Variants in PCDH9 observed in about 807,000 individuals in gnomAD.
PCDH9 encodes protocadherin-9.
PCDH9 carries 24 observed loss-of-function variants against 70.6 expected under a neutral mutation model. The observed-to-expected ratio is 0.34, with a 90% CI of 0.25 to 0.48. PCDH9 has a LOEUF of 0.48. Among genes scored for constraint, PCDH9 ranks in the 20% least tolerant of loss-of-function variants. The probability of loss-of-function intolerance (pLI) is 0.99; values close to 1 mark genes in which losing one functional copy is unlikely to be tolerated. For missense variants in PCDH9, 1,281 were observed against 1,503.6 expected (o/e 0.85, Z 2.45); for synonymous variants, 562 against 558.5 (o/e 1.01, Z -0.09).
chr13:66,470,709 A>C (rs1047151299), intron 4 of PCDH9, among the ~76,000 whole-genome samples: 3 of 150,514 alleles, frequency 2.0e-5, no homozygotes, highest in African/African-American at 7.3e-5. Context: ...CAGAACAGAC[A>C]TGAGCTCTGA....
chr13:67,056,140 T>C (rs909088055), intron 2 of PCDH9, among the ~76,000 whole-genome samples: 2 of 152,212 alleles, frequency 1.3e-5, no homozygotes, highest in African/African-American at 4.8e-5. Flanking sequence ...GAGGTCTTAT[T>C]AATTCTCATA....
intron 3 of PCDH9, among the ~76,000 whole-genome samples, chr13:66,852,960 A>G (rs192174466): frequency 1.5e-4 from 23 of 151,172 alleles, no homozygotes; most frequent in African/African-American, 5.4e-4. Context: ...GACACAGCAA[A>G]CGCAGAAGGA....
At chr13:66,537,831 G>C (rs1347701211) in intron 4 of PCDH9, among the ~76,000 whole-genome samples, 1 of 152,036 alleles carries the variant, frequency 6.6e-6, no homozygotes, top group Non-Finnish European at 1.5e-5. Flanking sequence ...CCAAAGTGAG[G>C]TGAACATTTT....
intron 2 of PCDH9, among the ~76,000 whole-genome samples, chr13:67,111,448 G>A (rs1423790326): frequency 2.6e-5 from 4 of 152,140 alleles, no homozygotes; most frequent in Non-Finnish European, 4.4e-5. Flanking sequence ...CTCTTAGGCT[G>A]TACTATATAC....
At chr13:66,848,735 T>C (rs2081256536) in intron 3 of PCDH9, among the ~76,000 whole-genome samples, 1 of 151,934 alleles carries the variant, frequency 6.6e-6, no homozygotes, top group Non-Finnish European at 1.5e-5. Context: ...GAGACCATCC[T>C]GGCTAACACG....
At chr13:66,483,361 G>A (rs754218872) in intron 4 of PCDH9, among the ~76,000 whole-genome samples, 4 of 152,050 alleles carry the variant, frequency 2.6e-5, no homozygotes, top group Non-Finnish European at 5.9e-5. Flanking sequence ...TTATTTCAAG[G>A]GACAATTGGA....
chr13:66,582,615 G>A (rs1385758994), intron 4 of PCDH9, among the ~76,000 whole-genome samples: 1 of 152,140 alleles, frequency 6.6e-6, no homozygotes, highest in Non-Finnish European at 1.5e-5. Flanking sequence ...CTGGGTGACA[G>A]AGTGAGACCC....
At chr13:66,650,729 C>T (rs1310882030) in intron 3 of PCDH9, among the ~76,000 whole-genome samples, 1 of 151,898 alleles carries the variant, frequency 6.6e-6, no homozygotes, top group African/African-American at 2.4e-5. Context: ...CTGCAAAATA[C>T]ACATTATTCT....
chr13:66,896,831 T>G (rs2082188062), intron 3 of PCDH9, among the ~76,000 whole-genome samples: 1 of 152,146 alleles, frequency 6.6e-6, no homozygotes, highest in African/African-American at 2.4e-5. Context: ...CAGTGGAACT[T>G]TCCTTAAAAT....
chr13:66,311,804 C>T (rs988740054), intron 4 of PCDH9, among the ~76,000 whole-genome samples: 12 of 152,028 alleles, frequency 7.9e-5, no homozygotes, highest in Admixed American at 1.3e-4. Flanking sequence ...GTTATTACTC[C>T]GCTCTTATTA....
chr13:66,437,515 C>T (rs894826789), intron 4 of PCDH9, among the ~76,000 whole-genome samples: 2 of 149,934 alleles, frequency 1.3e-5, no homozygotes, highest in African/African-American at 2.5e-5. Flanking sequence ...GGATTCTTAT[C>T]ACATACATCA....
intron 2 of PCDH9, among the ~76,000 whole-genome samples, chr13:66,981,686 C>T (rs907784516): frequency 3.3e-5 from 5 of 151,978 alleles, no homozygotes; most frequent in African/African-American, 1.2e-4. Flanking sequence ...AAACTCTTTA[C>T]TTATTGGATG....
chr13:66,768,037 G>C (rs2079746475), intron 3 of PCDH9, among the ~76,000 whole-genome samples: 1 of 152,196 alleles, frequency 6.6e-6, no homozygotes, highest in Middle Eastern at 3.4e-3. Flanking sequence ...GCAAGCTCTA[G>C]AGTCAAGCAA....
chr13:66,826,642 C>G (rs1594111502), intron 3 of PCDH9, among the ~76,000 whole-genome samples: 1 of 151,406 alleles, frequency 6.6e-6, no homozygotes, highest in Non-Finnish European at 1.5e-5. Context: ...GTGGTGAAGG[C>G]AATAAGATAG....
chr13:66,524,863 T>A (rs1223353088), intron 4 of PCDH9, among the ~76,000 whole-genome samples: 2 of 152,106 alleles, frequency 1.3e-5, no homozygotes, highest in Non-Finnish European at 2.9e-5. Context: ...AACCAAAATT[T>A]GTAGATACCT....
rs142446242 is a variant in PCDH9, at chr13:67,086,577, G to A, written c.3036+138828C>T. Among the ~76,000 whole-genome samples the A allele has an allele frequency of 4.1e-3, 627 of 152,260 alleles. 6 individuals are homozygous for A. Among genetic ancestry groups the A allele is most frequent in the Middle Eastern group, 6.8e-3 (2 of 294 alleles). On this transcript the variant is annotated intron_variant, in intron 2 of 4. Coordinates refer to ENST00000377865, the MANE Select transcript of PCDH9 (RefSeq NM_203487.3). ...ACCAGGAAACGAAGTGATAACATCA[G>A]AAGTAAAATTTGGATGGAATGTAAC...
intron 4 of PCDH9, among the ~76,000 whole-genome samples, chr13:66,549,172 T>C (rs1961355228): frequency 6.6e-6 from 1 of 152,268 alleles, no homozygotes; most frequent in South Asian, 2.1e-4. Flanking sequence ...TATACATGTG[T>C]ATATATAAAT....
intron 2 of PCDH9, among the ~76,000 whole-genome samples, chr13:67,115,732 T>C (rs1300681945): frequency 6.7e-6 from 1 of 150,068 alleles, no homozygotes; most frequent in Non-Finnish European, 1.5e-5. Context: ...TGTTTTGGCA[T>C]TCCTTATCTG....
chr13:66,475,505 T>C lies in PCDH9; in HGVS notation c.3340+155705A>G, dbSNP rs529397144. On this transcript the variant is annotated intron_variant, in intron 4 of 4. Transcript: ENST00000377865. ...CCTTCTGAGACCAACCATTTGGAAG[T>C]AACATACTATTTTTTACAGCTTTCC... is the stretch of plus-strand genomic sequence containing the variant. Among the ~76,000 whole-genome samples the C allele has an allele frequency of 1.2e-3, 176 of 152,232 alleles. 4 individuals carry two copies. The highest frequency in any genetic ancestry group is 2.1e-4 in the South Asian group (1 of 4,828).
Sources: allele counts gnomAD v4.1 joint callset (sites outside exome capture counted in the v4.1 genomes callset), GRCh38; gene constraint gnomAD v4.1.1; transcripts MANE v1.5; gene names NCBI Gene and HGNC (gene_info 2026-07-23, HGNC 2026-07-21).